Variants in STARD13 observed in about 807,000 individuals in gnomAD.
STARD13 encodes the protein StAR related lipid transfer domain containing 13.
A neutral mutation model predicts 106.4 loss-of-function variants in STARD13; 62 were observed. That is an observed-to-expected ratio of 0.58 (90% confidence interval 0.48 to 0.72). STARD13 has a LOEUF of 0.72. STARD13 is among the 30% of genes least tolerant of loss of function. The pLI, the probability that STARD13 is intolerant of heterozygous loss-of-function variation, is 0.00. For synonymous variants in STARD13, 565 were observed against 553.0 expected, an observed-to-expected ratio of 1.02 and a Z score of -0.31; for missense variants, 1,387 against 1,424.0, an observed-to-expected ratio of 0.97 and a Z score of 0.42.
At chr13:33,528,332 T>C in the STARD13 span, among the ~76,000 whole-genome samples, 28,563 of 142,032 alleles carry the variant, frequency 0.2, 4,808 homozygotes, top group African/African-American at 0.47. Flanking sequence ...TACAGTGACA[T>C]AATCATAGCT....
chr13:33,436,987 C>T, the STARD13 span, among the ~76,000 whole-genome samples: 1 of 152,158 alleles, frequency 6.6e-6, no homozygotes, highest in Admixed American at 6.5e-5. Context: ...GGGGCCCCTT[C>T]AGTCTGACTA....
chr13:33,360,704 A>AGACAGAAGGAT, the STARD13 span, among the ~76,000 whole-genome samples: 805 of 68,508 alleles, frequency 0.012, 48 homozygotes, highest in Non-Finnish European at 0.014. Flanking sequence ...GACAGAAGGA[A>AGACAGAAGGAT]TCCTTCTGTG....
At chr13:33,374,800 C>T in the STARD13 span, among the ~76,000 whole-genome samples, 1 of 152,180 alleles carries the variant, frequency 6.6e-6, no homozygotes, top group African/African-American at 2.4e-5. Flanking sequence ...CCTTGTTAGG[C>T]TACAGTGTAG....
At chr13:33,542,085 A>G in the STARD13 span, among the ~76,000 whole-genome samples, 1 of 152,228 alleles carries the variant, frequency 6.6e-6, no homozygotes, top group Non-Finnish European at 1.5e-5. Context: ...CGCTTGCTAA[A>G]AAGTTTAAAA....
chr13:33,492,885 A>G, the STARD13 span, among the ~76,000 whole-genome samples: 2 of 152,076 alleles, frequency 1.3e-5, no homozygotes, highest in Admixed American at 1.3e-4. Flanking sequence ...CTGGATCAGG[A>G]CCCCTTTCCA....
the STARD13 span, among the ~76,000 whole-genome samples, chr13:33,373,807 T>A: frequency 1.3e-5 from 2 of 151,218 alleles, no homozygotes; most frequent in African/African-American, 2.4e-5. Context: ...TTGGTGAGAA[T>A]GTAGAGAAAT....
At chr13:33,185,192 G>C (rs1314776668) in intron 1 of STARD13, among the ~76,000 whole-genome samples, 3 of 152,350 alleles carry the variant, frequency 2.0e-5, no homozygotes, top group South Asian at 4.1e-4. Context: ...GATGGACCCA[G>C]GTATCTGCCC....
intron 1 of STARD13, among the ~76,000 whole-genome samples, chr13:33,168,034 G>C (rs1267962547): frequency 2.0e-5 from 3 of 149,788 alleles, no homozygotes; most frequent in African/African-American, 7.4e-5. Flanking sequence ...GGCTAAAAAT[G>C]TTTATTCAAC....
Position 33,129,676 on chromosome 13 carries a change from C to T in STARD13, c.1001G>A (p.Ser334Asn). The T allele has an allele frequency of 6.2e-7, 1 of 1,614,050 alleles. No homozygotes were observed. The highest frequency in any genetic ancestry group is 1.1e-5 in the South Asian group (1 of 91,080). ...CCCGCTGCTGCTGTGCTCCGACGGGCTGCTCTCGCCACTCGACTTGCCAGA... is the reference window on the plus strand; with the variant it reads ...CCCGCTGCTGCTGTGCTCCGACGGGTTGCTCTCGCCACTCGACTTGCCAGA... Reference protein sequence around the residue: ...PCSGKSSGESSPSEHSSSGVS... With the variant: ...PCSGKSSGESNPSEHSSSGVS... The change falls in exon 5 of 14, where the codon AGC becomes AAC. Residue 334 changes from serine (S) to asparagine (N), a missense_variant. Coordinates refer to ENST00000336934, the MANE Select transcript of STARD13 (RefSeq NM_178006.4).
At chr13:33,350,787 C>T (rs2078071240), upstream of STARD13, 2 of 378,992 alleles carry the variant, frequency 5.3e-6, no homozygotes, top group Admixed American at 6.4e-5. Context: ...CCCTTCCCTC[C>T]CTCGCCCAAC....
At chr13:33,475,077 A>G in the STARD13 span, among the ~76,000 whole-genome samples, 1 of 152,160 alleles carries the variant, frequency 6.6e-6, no homozygotes, top group Admixed American at 6.5e-5. Flanking sequence ...TCAAAATCTT[A>G]AAATTATTTT....
chr13:33,590,581 C>T, the STARD13 span, among the ~76,000 whole-genome samples: 2 of 151,486 alleles, frequency 1.3e-5, no homozygotes, highest in Non-Finnish European at 2.9e-5. Flanking sequence ...CCATCATTCT[C>T]AGCAAACTAT....
At chr13:33,138,676 A>T (rs1475564724) in intron 4 of STARD13, 1 of 295,844 alleles carries the variant, frequency 3.4e-6, no homozygotes, top group South Asian at 2.9e-5. Context: ...GCCGCTGGGA[A>T]TGCCGCGGGA....
At chr13:33,147,638 G>A (rs1395629447) in intron 3 of STARD13, among the ~76,000 whole-genome samples, 1 of 152,060 alleles carries the variant, frequency 6.6e-6, no homozygotes, top group Non-Finnish European at 1.5e-5. Context: ...ATTTCAAGAG[G>A]TGCCATATTA....
chr13:33,371,981 C>A, the STARD13 span, among the ~76,000 whole-genome samples: 4 of 152,178 alleles, frequency 2.6e-5, no homozygotes, highest in Non-Finnish European at 5.9e-5. Flanking sequence ...TACCAAGCAA[C>A]CAATCAGAAA....
At chr13:33,672,380 G>A in the STARD13 span, among the ~76,000 whole-genome samples, 1 of 152,112 alleles carries the variant, frequency 6.6e-6, no homozygotes, top group Non-Finnish European at 1.5e-5. Context: ...TGGGGACAAG[G>A]GGAGGGAGAG....
rs370570344 is a variant in STARD13 at position 33,177,985 on chromosome 13, GA to G, written c.170-10364del. On this transcript the variant is annotated intron_variant, in intron 1 of 13. Transcript: ENST00000336934. ...GGAAGGAAGGAAGGAAGGAAGGAAG[GA>G]AAGGAAGGAAGGAAGGAAGGAAGGA... is the stretch of plus-strand genomic sequence containing the variant. Among the ~76,000 whole-genome samples the G allele has an allele frequency of 2.7e-3, 27 of 9,890 alleles. 7 individuals are homozygous for G. The highest frequency in any genetic ancestry group is 0.011 in the Admixed American group (9 of 818). The allele number at this position is 9,890 out of a possible 152,430, so 6.5% of individuals were successfully genotyped here.
At chr13:33,154,115 T>C (rs1368299598) in intron 3 of STARD13, among the ~76,000 whole-genome samples, 2 of 152,286 alleles carry the variant, frequency 1.3e-5, no homozygotes, top group East Asian at 1.9e-4. Flanking sequence ...TGTAACTCCA[T>C]GAGGGTGGGG....
chr13:33,618,127 T>C, the STARD13 span, among the ~76,000 whole-genome samples: 1 of 152,218 alleles, frequency 6.6e-6, no homozygotes, highest in African/African-American at 2.4e-5. Context: ...TAATCAAAAA[T>C]GATAGGATAC....
Sources: allele counts gnomAD v4.1 joint callset (sites outside exome capture counted in the v4.1 genomes callset), GRCh38; gene constraint gnomAD v4.1.1; transcripts MANE v1.5; gene names NCBI Gene and HGNC (gene_info 2026-07-23, HGNC 2026-07-21).